The following NCKAP5 variants were observed in gnomAD, a reference collection of about 807,000 sequenced individuals.
NCKAP5 encodes the protein NCK associated protein 5.
In NCKAP5, 92 loss-of-function variants were observed where a neutral mutation model predicts 167.0. The observed-to-expected ratio is 0.55, with a 90% CI of 0.47 to 0.66. The LOEUF (loss-of-function observed/expected upper bound fraction) is 0.66, where lower values mean the gene tolerates loss of function less well. Ranked by LOEUF, NCKAP5 falls within the 30% of genes least tolerant of loss-of-function variation. The pLI is 0.00. For missense variants in NCKAP5, 2,378 were observed against 2,315.0 expected (o/e 1.03, Z -0.56); for synonymous variants, 891 against 877.4 (o/e 1.02, Z -0.27).
chr2:133,648,751 T>C, the NCKAP5 span, among the ~76,000 whole-genome samples: 3 of 149,866 alleles, frequency 2.0e-5, no homozygotes, highest in African/African-American at 7.4e-5. Context: ...GCAAAAGCAA[T>C]ACTAAAAGGG....
intron 6 of NCKAP5, among the ~76,000 whole-genome samples, chr2:133,027,329 A>G (rs1573788903): frequency 6.6e-6 from 1 of 152,206 alleles, no homozygotes; most frequent in African/African-American, 2.4e-5. Context: ...AGGATTATAG[A>G]TTATATGTCA....
At chr2:132,710,177 G>T (rs1276769345) in intron 19 of NCKAP5, among the ~76,000 whole-genome samples, 1 of 151,974 alleles carries the variant, frequency 6.6e-6, no homozygotes, top group Non-Finnish European at 1.5e-5. Context: ...ATGACTACGT[G>T]ATTCTAAAAA....
intron 3 of NCKAP5, among the ~76,000 whole-genome samples, chr2:133,306,175 G>A (rs1680763928): frequency 6.6e-6 from 1 of 152,242 alleles, no homozygotes; most frequent in South Asian, 2.1e-4. Context: ...TGGTTAAGAG[G>A]AAACTATGGT....
chr2:133,107,107 G>A (rs2081732378), intron 6 of NCKAP5, among the ~76,000 whole-genome samples: 1 of 152,166 alleles, frequency 6.6e-6, no homozygotes, highest in South Asian at 2.1e-4. Context: ...CACTGAGTCA[G>A]AAGGGATCAT....
At chr2:133,463,959 T>A (rs1692365672) in intron 3 of NCKAP5, among the ~76,000 whole-genome samples, 1 of 152,312 alleles carries the variant, frequency 6.6e-6, no homozygotes, top group East Asian at 1.9e-4. Flanking sequence ...CTCTTCCTCA[T>A]GTTAACCATA....
At chr2:133,620,347 T>C in the NCKAP5 span, among the ~76,000 whole-genome samples, 150,247 of 152,208 alleles carry the variant, frequency 0.99, 74,191 homozygotes, top group East Asian at 1. Flanking sequence ...GAATAATACG[T>C]CAACCAAGTT....
At chr2:132,716,064 C>G (rs150311531) in intron 19 of NCKAP5, among the ~76,000 whole-genome samples, 1 of 152,222 alleles carries the variant, frequency 6.6e-6, no homozygotes, top group South Asian at 2.1e-4. Flanking sequence ...GATTAGTATC[C>G]CCTTCCCTCT....
At chr2:133,047,728 T>G (rs1022096370) in intron 6 of NCKAP5, among the ~76,000 whole-genome samples, 12 of 152,214 alleles carry the variant, frequency 7.9e-5, no homozygotes, top group Non-Finnish European at 1.5e-4. Flanking sequence ...CTGAACTAGC[T>G]TGTTTTCAAG....
chr2:132,972,746 C>A (rs928480869), intron 7 of NCKAP5, among the ~76,000 whole-genome samples: 1 of 151,772 alleles, frequency 6.6e-6, no homozygotes, highest in African/African-American at 2.4e-5. Flanking sequence ...ACCTGCAGTC[C>A]CAGCTACTTT....
At chr2:133,389,037 A>C (rs1482702924) in intron 3 of NCKAP5, among the ~76,000 whole-genome samples, 1 of 152,150 alleles carries the variant, frequency 6.6e-6, no homozygotes, top group African/African-American at 2.4e-5. Context: ...CACTGCACCC[A>C]CTGTCCTGCA....
intron 4 of NCKAP5, among the ~76,000 whole-genome samples, chr2:133,262,223 A>C (rs2088943652): frequency 6.6e-6 from 1 of 152,214 alleles, no homozygotes; most frequent in South Asian, 2.1e-4. Context: ...AATAATAAAT[A>C]AGGGAATCAG....
intron 3 of NCKAP5, among the ~76,000 whole-genome samples, chr2:133,469,147 A>C (rs1244591518): frequency 2.6e-5 from 4 of 151,892 alleles, no homozygotes; most frequent in African/African-American, 9.7e-5. Flanking sequence ...AGTGGCTGGT[A>C]CCGGCTTTTC....
intron 3 of NCKAP5, among the ~76,000 whole-genome samples, chr2:133,318,177 T>C (rs1681749279): frequency 6.6e-6 from 1 of 152,168 alleles, no homozygotes; most frequent in Non-Finnish European, 1.5e-5. Flanking sequence ...CTCAGTCAAT[T>C]GCCAATCATA....
intron 3 of NCKAP5, among the ~76,000 whole-genome samples, chr2:133,379,612 C>A (rs1332573466): frequency 6.6e-6 from 1 of 152,152 alleles, no homozygotes; most frequent in Non-Finnish European, 1.5e-5. Flanking sequence ...GGAACCATGG[C>A]CTTCTCATTT....
chr2:132,980,906 A>G (rs1340962814), intron 7 of NCKAP5, among the ~76,000 whole-genome samples: 3 of 152,228 alleles, frequency 2.0e-5, no homozygotes, highest in Admixed American at 6.5e-5. Context: ...AATTATTTTT[A>G]TAAGTACAAT....
rs1281790192 is a variant in NCKAP5, at chr2:133,164,581, T to G, written c.208-34470A>C. The stretch of plus-strand genomic sequence containing the variant: ...TAGCTTTTTATGAGGTTTTAAAGAT[T>G]GTTTGATGAGAACCTGCTCTGCATC... On this transcript the variant is annotated intron_variant, in intron 5 of 19. Transcript: ENST00000409261. Among the ~76,000 whole-genome samples the G allele has an allele frequency of 3.3e-5, 5 of 152,360 alleles. No homozygotes were observed. In the East Asian group the frequency reaches 9.6e-4, roughly 29 times the overall value.
At chr2:133,018,016 G>A (rs1263953308) in intron 6 of NCKAP5, among the ~76,000 whole-genome samples, 1 of 152,134 alleles carries the variant, frequency 6.6e-6, no homozygotes, top group Non-Finnish European at 1.5e-5. Context: ...ACTGCCCCAG[G>A]AAGCTCTTAT....
At chr2:133,547,602 C>G (rs1367371468) in intron 2 of NCKAP5, among the ~76,000 whole-genome samples, 2 of 142,464 alleles carry the variant, frequency 1.4e-5, no homozygotes, top group African/African-American at 5.2e-5. Flanking sequence ...TGGGAGGCAC[C>G]CCCCAGCAGG....
At chr2:133,517,613 C>G in intron 2 of NCKAP5, 26 bp from the exon 3 acceptor site, 1 of 834,936 alleles carries the variant, frequency 1.2e-6, no homozygotes, top group Non-Finnish European at 1.8e-6. Flanking sequence ...ATGTGTTTTA[C>G]TATCCAAGTA....
Sources: gnomAD v4.1 joint callset for allele counts (sites outside exome capture counted in the v4.1 genomes callset) on GRCh38, gnomAD v4.1.1 for gene constraint, MANE v1.5 for transcripts, NCBI Gene and HGNC (gene_info 2026-07-23, HGNC 2026-07-21) for gene names.